The following WWOX variants were observed in gnomAD, a reference collection of about 807,000 sequenced individuals.
The protein encoded by WWOX is WW domain containing oxidoreductase, also known as WW domain-containing oxidoreductase.
In WWOX, 69 loss-of-function variants were observed where a neutral mutation model predicts 46.2. The ratio of observed to expected loss-of-function variants is 1.49; its 90% CI spans 1.23 to 1.82. The LOEUF (loss-of-function observed/expected upper bound fraction) is 1.82, where lower values mean the gene tolerates loss of function less well. Ranked by LOEUF, WWOX falls within the 40% of genes most tolerant of loss-of-function variation. WWOX has a pLI of 0.00. For missense variants in WWOX, 919 were observed against 542.6 expected, an observed-to-expected ratio of 1.69 and a Z score of -6.89; for synonymous variants, 359 against 202.6, an observed-to-expected ratio of 1.77 and a Z score of -6.56.
At chr16:78,925,891 C>A (rs752346703) in intron 8 of WWOX, among the ~76,000 whole-genome samples, 1 of 152,140 alleles carries the variant, frequency 6.6e-6, no homozygotes, top group Non-Finnish European at 1.5e-5. Context: ...CCCACCCTTG[C>A]CTCCCTTCAG....
intron 8 of WWOX, among the ~76,000 whole-genome samples, chr16:78,970,624 A>T (rs1305758950): frequency 2.0e-5 from 3 of 152,232 alleles, no homozygotes; most frequent in African/African-American, 7.2e-5. Flanking sequence ...CAGAGAGCTA[A>T]CAAAGATTAT....
At chr16:78,462,058 T>G (rs1215788304) in intron 8 of WWOX, among the ~76,000 whole-genome samples, 1 of 152,230 alleles carries the variant, frequency 6.6e-6, no homozygotes, top group African/African-American at 2.4e-5. Context: ...ATATGCACAT[T>G]ATGAACTTTT....
intron 8 of WWOX, among the ~76,000 whole-genome samples, chr16:79,177,978 G>A (rs751686306): frequency 6.6e-6 from 1 of 152,142 alleles, no homozygotes; most frequent in Non-Finnish European, 1.5e-5. Context: ...TCGTTCCCTG[G>A]CTCATAGATG....
intron 8 of WWOX, among the ~76,000 whole-genome samples, chr16:78,834,961 C>G (rs979947014): frequency 2.6e-5 from 4 of 152,158 alleles, no homozygotes; most frequent in East Asian, 1.9e-4. Context: ...CTGTCAGGAA[C>G]CAGACACTGT....
chr16:78,139,403 T>C (rs4888749), intron 4 of WWOX, among the ~76,000 whole-genome samples: 55,222 of 151,904 alleles, frequency 0.36, 10,122 homozygotes, highest in African/African-American at 0.43. Flanking sequence ...CCCAGTACTT[T>C]GGGAGGCCAA....
chr16:78,772,314 T>C (rs2050083577), intron 8 of WWOX, among the ~76,000 whole-genome samples: 1 of 152,198 alleles, frequency 6.6e-6, no homozygotes, highest in African/African-American at 2.4e-5. Flanking sequence ...CTTCCTGCAT[T>C]AGTTTGCTGA....
chr16:78,688,100 G>A (rs931384963), intron 8 of WWOX, among the ~76,000 whole-genome samples: 13 of 130,170 alleles, frequency 1.0e-4, no homozygotes, highest in African/African-American at 3.9e-4. Context: ...ACCAGGAATG[G>A]TTATTATTTC....
intron 8 of WWOX, among the ~76,000 whole-genome samples, chr16:79,061,124 A>C (rs1392649511): frequency 6.6e-6 from 1 of 152,168 alleles, no homozygotes; most frequent in South Asian, 2.1e-4. Context: ...CATGGTGCTC[A>C]CAGTCTCTCA....
chr16:79,025,400 G>A (rs1381530073), intron 8 of WWOX, among the ~76,000 whole-genome samples: 3 of 152,138 alleles, frequency 2.0e-5, no homozygotes, highest in Non-Finnish European at 4.4e-5. Context: ...ATCTCAAAAC[G>A]AGGTCATCTT....
chr16:78,776,181 G>A (rs1471537036), intron 8 of WWOX, among the ~76,000 whole-genome samples: 6 of 152,130 alleles, frequency 3.9e-5, no homozygotes. Context: ...CATCTCAGAA[G>A]GATGTTTTCC....
chr16:79,027,792 G>A (rs987842907), intron 8 of WWOX, among the ~76,000 whole-genome samples: 1 of 151,594 alleles, frequency 6.6e-6, no homozygotes, highest in Non-Finnish European at 1.5e-5. Flanking sequence ...TGATATAGAA[G>A]CATTTCTCGG....
At chr16:78,211,441 G>A (rs1340302875) in intron 5 of WWOX, among the ~76,000 whole-genome samples, 2 of 152,090 alleles carry the variant, frequency 1.3e-5, no homozygotes, top group African/African-American at 4.8e-5. Context: ...CATTGCTGAG[G>A]TGACCTTTGA....
chr16:79,025,417 AC>A, intron 8 of WWOX, among the ~76,000 whole-genome samples: 1 of 152,272 alleles, frequency 6.6e-6, no homozygotes, highest in East Asian at 1.9e-4. Flanking sequence ...TCTTGGGTGG[AC>A]CCTAAATCCA....
chr16:78,401,043 C>T (rs2082400628), intron 6 of WWOX, among the ~76,000 whole-genome samples: 1 of 152,210 alleles, frequency 6.6e-6, no homozygotes, highest in Admixed American at 6.5e-5. Flanking sequence ...TGGTCTCAAA[C>T]TTCTGGAATC....
At chr16:78,291,274 A>G (rs983003890) in intron 5 of WWOX, among the ~76,000 whole-genome samples, 1 of 152,184 alleles carries the variant, frequency 6.6e-6, no homozygotes, top group Non-Finnish European at 1.5e-5. Context: ...CTCGATGTGT[A>G]TTCTTTGCTT....
Position 78,575,913 on chromosome 16 carries a change from A to G in WWOX, c.1056+143161A>G, listed in dbSNP as rs200766878. Among the ~76,000 whole-genome samples the G allele has an allele frequency of 7.2e-5, 11 of 152,314 alleles. No homozygotes were observed. The East Asian group carries it at 2.1e-3, about 29-fold the overall frequency. ...TTACATCTTTTTACCTCTTTATATAAAACATGCTATATTAAAAGAGAGATT... is the reference window on the plus strand; with the variant it reads ...TTACATCTTTTTACCTCTTTATATAGAACATGCTATATTAAAAGAGAGATT... On this transcript the variant is annotated intron_variant, in intron 8 of 8. Coordinates refer to ENST00000566780, the MANE Select transcript of WWOX (RefSeq NM_016373.4).
chr16:78,199,188 C>G (rs2036152146), intron 5 of WWOX, among the ~76,000 whole-genome samples: 1 of 152,060 alleles, frequency 6.6e-6, no homozygotes, highest in Non-Finnish European at 1.5e-5. Context: ...TGGCACGTGC[C>G]TGTAATCCAA....
chr16:78,251,015 G>C (rs890459139), intron 5 of WWOX, among the ~76,000 whole-genome samples: 1 of 152,116 alleles, frequency 6.6e-6, no homozygotes, highest in South Asian at 2.1e-4. Context: ...TCCCCAGCCC[G>C]GACCACACAT....
At chr16:78,374,028 C>T (rs866681159) in intron 5 of WWOX, among the ~76,000 whole-genome samples, 1 of 152,232 alleles carries the variant, frequency 6.6e-6, no homozygotes, top group Non-Finnish European at 1.5e-5. Flanking sequence ...CTCAAGTGGT[C>T]TGCCCGCCTT....
Sources: allele counts gnomAD v4.1 joint callset (sites outside exome capture counted in the v4.1 genomes callset), GRCh38; gene constraint gnomAD v4.1.1; transcripts MANE v1.5; gene names NCBI Gene and HGNC (gene_info 2026-07-23, HGNC 2026-07-21).